Variants in WDPCP observed in about 807,000 individuals in gnomAD.
The protein encoded by WDPCP is WD repeat containing planar cell polarity effector.
Under a neutral mutation model 93.1 loss-of-function variants are expected in WDPCP, and 71 were observed. The ratio of observed to expected loss-of-function variants is 0.76; its 90% CI spans 0.63 to 0.93. WDPCP has a LOEUF of 0.93. Ranked by LOEUF, WDPCP falls within the 40% of genes least tolerant of loss-of-function variation. WDPCP has a pLI of 0.00. For synonymous variants in WDPCP, 315 were observed against 315.0 expected (o/e 1.00, Z 0.00); for missense variants, 844 against 887.4 (o/e 0.95, Z 0.62).
chr2:63,462,762 G>A (rs1441902386), intron 6 of WDPCP, among the ~76,000 whole-genome samples: 1 of 152,118 alleles, frequency 6.6e-6, no homozygotes, highest in Non-Finnish European at 1.5e-5. Context: ...GGATAAAGAA[G>A]AGGATAATTT....
intron 7 of WDPCP, among the ~76,000 whole-genome samples, chr2:63,439,185 A>G (rs950056331): frequency 2.6e-5 from 4 of 152,166 alleles, no homozygotes; most frequent in African/African-American, 9.6e-5. Flanking sequence ...CTTCCTATTC[A>G]ATAACTGGCT....
Position 63,529,426 on chromosome 2 carries a change from C to T in WDPCP, c.76-36486G>A, listed in dbSNP as rs557411797. The stretch of plus-strand genomic sequence containing the variant: ...TTTATTCAGAGTTTTTAGCATGAAG[C>T]GCTGTTGAATTTTGTCAAAGGCCTT... On this transcript the variant is annotated intron_variant, in intron 1 of 17. Transcript: ENST00000272321. Among the ~76,000 whole-genome samples the T allele has an allele frequency of 2.0e-5, 3 of 152,150 alleles. No individual in the cohort carries two copies. In the South Asian group the frequency reaches 6.2e-4, roughly 32 times the overall value.
intron 14 of WDPCP, among the ~76,000 whole-genome samples, chr2:63,254,735 G>T (rs532697386): frequency 6.6e-6 from 1 of 152,026 alleles, no homozygotes; most frequent in Non-Finnish European, 1.5e-5. Context: ...TAAAGAGCTG[G>T]ATCATAAAGT....
chr2:63,246,043 C>A (rs1457228183), intron 14 of WDPCP, among the ~76,000 whole-genome samples: 1 of 152,130 alleles, frequency 6.6e-6, no homozygotes, highest in African/African-American at 2.4e-5. Context: ...CAGAACAAGT[C>A]TATAATATTG....
chr2:63,629,879 G>A (rs1296585025), intron 3 of WDPCP, among the ~76,000 whole-genome samples: 1 of 152,192 alleles, frequency 6.6e-6, no homozygotes, highest in Non-Finnish European at 1.5e-5. Flanking sequence ...TACTCAAAAT[G>A]TCCAGATTTC....
chr2:63,704,335 T>C (rs1471057422), intron 2 of WDPCP, among the ~76,000 whole-genome samples: 2 of 152,176 alleles, frequency 1.3e-5, no homozygotes, highest in East Asian at 3.8e-4. Context: ...TCCAACACTA[T>C]GTTGAATAGG....
At chr2:63,288,965 G>A (rs1223799948) in intron 13 of WDPCP, among the ~76,000 whole-genome samples, 1 of 151,864 alleles carries the variant, frequency 6.6e-6, no homozygotes, top group African/African-American at 2.4e-5. Context: ...AGAATACCAA[G>A]GAACGGATGT....
At chr2:63,647,883 C>T (rs1710070373) in intron 3 of WDPCP, among the ~76,000 whole-genome samples, 1 of 152,010 alleles carries the variant, frequency 6.6e-6, no homozygotes, top group African/African-American at 2.4e-5. Context: ...CCATCTGAAA[C>T]CTGACCAATC....
intron 1 of WDPCP, among the ~76,000 whole-genome samples, chr2:63,527,858 T>G (rs1420247745): frequency 2.0e-5 from 3 of 152,048 alleles, no homozygotes; most frequent in Non-Finnish European, 4.4e-5. Flanking sequence ...CGTTCTTATT[T>G]CTCCACAGCC....
At chr2:63,340,706 C>T (rs1688773564) in intron 12 of WDPCP, among the ~76,000 whole-genome samples, 1 of 152,144 alleles carries the variant, frequency 6.6e-6, no homozygotes, top group South Asian at 2.1e-4. Context: ...ACCATCTGCT[C>T]AGAATGTTTT....
chr2:63,465,359 C>T (rs1200986364), intron 6 of WDPCP, among the ~76,000 whole-genome samples: 1 of 152,038 alleles, frequency 6.6e-6, no homozygotes, highest in Non-Finnish European at 1.5e-5. Flanking sequence ...AAAAATGGAG[C>T]AGTCTGTGCT....
chr2:63,618,931 C>T (rs1363174034), intron 3 of WDPCP, among the ~76,000 whole-genome samples: 2 of 152,122 alleles, frequency 1.3e-5, no homozygotes, highest in African/African-American at 4.8e-5. Flanking sequence ...TCAAGTGATT[C>T]GCCCGCCTCA....
chr2:63,412,364 C>G (rs1695080675), intron 9 of WDPCP, among the ~76,000 whole-genome samples: 1 of 152,044 alleles, frequency 6.6e-6, no homozygotes, highest in African/African-American at 2.4e-5. Context: ...AAAATTGGCA[C>G]ACAAGGGACA....
In WDPCP at chr2:63,121,805, T is replaced by TA. The variant is rs1669563064; in HGVS notation, c.*200dup. 7 of 1,313,058 alleles carry TA rather than the reference T, an allele frequency of 5.3e-6. No individual in the cohort carries two copies. Among genetic ancestry groups the TA allele is most frequent in the Non-Finnish European group, 6.0e-6 (6 of 1,007,306 alleles). 81.3% of individuals were successfully genotyped at this position (1,313,058 alleles called of 1,614,324 possible). ...AATAAGTAGGTTGAAGACTTTTACT[T>TA]ACGATCACTTTGCTGTTATGCTGCA... On this transcript the variant is annotated 3_prime_UTR_variant, in exon 18 of 18. Coordinates refer to ENST00000272321, the MANE Select transcript of WDPCP (RefSeq NM_015910.7).
At chr2:63,446,052 C>T (rs758921929) in intron 6 of WDPCP, among the ~76,000 whole-genome samples, 1 of 152,146 alleles carries the variant, frequency 6.6e-6, no homozygotes, top group Non-Finnish European at 1.5e-5. Flanking sequence ...TACTCCTTCA[C>T]CACTATTTAG....
At chr2:63,239,397 AT>A (rs1312444730) in intron 14 of WDPCP, among the ~76,000 whole-genome samples, 1 of 152,136 alleles carries the variant, frequency 6.6e-6, no homozygotes, top group Non-Finnish European at 1.5e-5. Flanking sequence ...GAGAATATAG[AT>A]TTATGGTTAT....
intron 6 of WDPCP, among the ~76,000 whole-genome samples, chr2:63,445,909 A>G (rs776783495): frequency 6.6e-6 from 1 of 152,214 alleles, no homozygotes; most frequent in Non-Finnish European, 1.5e-5. Context: ...TGCAAGTTTT[A>G]AAAACAATAG....
intron 13 of WDPCP, among the ~76,000 whole-genome samples, chr2:63,285,460 A>C (rs1472156574): frequency 2.0e-5 from 3 of 151,758 alleles, no homozygotes; most frequent in Non-Finnish European, 4.4e-5. Context: ...AAGTCCAAAA[A>C]TAAAACCCCA....
intron 14 of WDPCP, among the ~76,000 whole-genome samples, chr2:63,195,865 A>G (rs1483474633): frequency 1.3e-5 from 2 of 152,234 alleles, no homozygotes; most frequent in Non-Finnish European, 2.9e-5. Flanking sequence ...CAATCAAAAG[A>G]AATGTTAACA....
Sources: gnomAD v4.1 joint callset for allele counts (sites outside exome capture counted in the v4.1 genomes callset) on GRCh38, gnomAD v4.1.1 for gene constraint, MANE v1.5 for transcripts, NCBI Gene and HGNC (gene_info 2026-07-23, HGNC 2026-07-21) for gene names.